The following SRPK1 variants were observed in gnomAD, a reference collection of about 807,000 sequenced individuals.
SRPK1 encodes SRSF protein kinase 1.
In SRPK1, 52 loss-of-function variants were observed where a neutral mutation model predicts 89.5. The ratio of observed to expected loss-of-function variants is 0.58; its 90% confidence interval spans 0.46 to 0.73. The LOEUF (loss-of-function observed/expected upper bound fraction) is 0.73. Among genes scored for constraint, SRPK1 ranks in the 30% least tolerant of loss-of-function variants. The pLI, the probability that SRPK1 is intolerant of heterozygous loss-of-function variation, is 0.00. For missense variants in SRPK1, 603 were observed against 780.6 expected (o/e 0.77, Z 2.71); for synonymous variants, 255 against 270.2 (o/e 0.94, Z 0.55).
intron 2 of SRPK1, among the ~76,000 whole-genome samples, chr6:35,910,001 A>C (rs1770928260): frequency 6.7e-6 from 1 of 149,888 alleles, no homozygotes; most frequent in Admixed American, 6.6e-5. Context: ...TTTTTTTTTT[A>C]AGATGGAGTT....
chr6:35,907,117 A>G (rs1770864366), intron 2 of SRPK1, among the ~76,000 whole-genome samples: 1 of 152,210 alleles, frequency 6.6e-6, no homozygotes, highest in Admixed American at 6.5e-5. Flanking sequence ...ATGTTTCCTG[A>G]TGAAAGTTTA....
intron 6 of SRPK1, among the ~76,000 whole-genome samples, chr6:35,876,675 A>C (rs1463174475): frequency 1.3e-5 from 2 of 152,136 alleles, no homozygotes; most frequent in African/African-American, 4.8e-5. Context: ...AGCACCTATC[A>C]AGTTTTCTGC....
intron 11 of SRPK1, 103 bp downstream of exon 11, chr6:35,869,379 G>T: frequency 1.5e-6 from 2 of 1,374,816 alleles, no homozygotes; most frequent in South Asian, 1.3e-5. Context: ...AGACACACCT[G>T]TTGTAAAGCT....
At chr6:35,877,771 A>G (rs1454074736) in intron 6 of SRPK1, among the ~76,000 whole-genome samples, 1 of 151,548 alleles carries the variant, frequency 6.6e-6, no homozygotes, top group African/African-American at 2.4e-5. Context: ...TGAACCCAGG[A>G]GGCGGAGGTT....
At chr6:35,871,806 A>C (rs1286582247) in intron 8 of SRPK1, among the ~76,000 whole-genome samples, 1 of 152,216 alleles carries the variant, frequency 6.6e-6, no homozygotes, top group Non-Finnish European at 1.5e-5. Flanking sequence ...CAGTGGTACT[A>C]TCACAACTCG....
At chr6:35,840,152 G>A (rs1283196047) in intron 14 of SRPK1, among the ~76,000 whole-genome samples, 10 of 152,158 alleles carry the variant, frequency 6.6e-5, no homozygotes, top group South Asian at 6.2e-4. Context: ...TACTTTTATC[G>A]TGTAGTTACA....
intron 6 of SRPK1, among the ~76,000 whole-genome samples, chr6:35,884,885 A>T (rs534560898): frequency 1.8e-4 from 28 of 152,268 alleles, no homozygotes; most frequent in African/African-American, 6.5e-4. Context: ...CTGTAATCCC[A>T]GCTACTCGGG....
intron 6 of SRPK1, among the ~76,000 whole-genome samples, chr6:35,874,597 G>A (rs1770114105): frequency 6.6e-6 from 1 of 152,032 alleles, no homozygotes; most frequent in African/African-American, 2.4e-5. Context: ...AATACTCAAT[G>A]GTAAAAGAAA....
Position 35,879,847 on chromosome 6 carries a change from G to A in SRPK1, c.479-5508C>T, listed in dbSNP as rs1770234953. ...ATCACTTTCAGAAGCCAAGGCAGGA[G>A]GACTGCTTGAACCCAGGAGTTCAAG... On this transcript the variant is annotated intron_variant, in intron 6 of 15. Transcript: ENST00000373825. 2.6e-5 allele frequency among the ~76,000 whole-genome samples: 4 copies of A among 151,996 alleles called. No homozygotes were observed. The South Asian group carries it at 8.3e-4, about 32-fold the overall frequency.
In SRPK1 at chr6:35,890,947, C is replaced by A. The variant is rs1770505493; in HGVS notation, c.141G>T (p.Glu47Asp). Reference sequence around the variant, plus strand: ...GCTCATCATCATCAGATCCCAGAATCTCCTCTTCCTGCTCTGGTAGATCAC... The same window carrying A: ...GCTCATCATCATCAGATCCCAGAATATCCTCTTCCTGCTCTGGTAGATCAC... ...SESDLPEQEE[E>D]ILGSDDDEQE... Residue 47 changes from glutamate (E) to aspartate (D), a missense_variant, in exon 3 of 16, where the codon GAG becomes GAT. Transcript: ENST00000373825. 1 of 1,554,600 alleles carries A rather than the reference C, an allele frequency of 6.4e-7. No individual in the cohort carries two copies. The highest frequency in any genetic ancestry group is 8.7e-7 in the Non-Finnish European group (1 of 1,148,004).
At chr6:35,904,313 A>G (rs1045687343) in intron 2 of SRPK1, among the ~76,000 whole-genome samples, 2 of 152,044 alleles carry the variant, frequency 1.3e-5, no homozygotes, top group Admixed American at 6.6e-5. Flanking sequence ...TCCAAAGCTA[A>G]TCCTCCACTA....
chr6:35,852,885 C>G (rs1769584138), intron 13 of SRPK1, among the ~76,000 whole-genome samples: 1 of 152,124 alleles, frequency 6.6e-6, no homozygotes, highest in South Asian at 2.1e-4. Context: ...TCCACATGCT[C>G]AGATTCAACT....
At chr6:35,878,978 C>A (rs1770217734) in intron 6 of SRPK1, among the ~76,000 whole-genome samples, 1 of 152,036 alleles carries the variant, frequency 6.6e-6, no homozygotes, top group African/African-American at 2.4e-5. Context: ...GTAATCCCAG[C>A]TACATGGGAG....
At chr6:35,865,232 C>A (rs1769867744) in intron 12 of SRPK1, among the ~76,000 whole-genome samples, 1 of 152,050 alleles carries the variant, frequency 6.6e-6, no homozygotes, top group Admixed American at 6.5e-5. Context: ...GGGATGGATA[C>A]CCTATTTTAC....
At chr6:35,844,014 T>C (rs1769375020) in intron 13 of SRPK1, among the ~76,000 whole-genome samples, 1 of 151,136 alleles carries the variant, frequency 6.6e-6, no homozygotes, top group Non-Finnish European at 1.5e-5. Flanking sequence ...AGTTTTTTTT[T>C]TTTTTTTTTG....
Position 35,833,956 on chromosome 6 carries a change from ATTAC to A in SRPK1, c.*1344_*1347del, listed in dbSNP as rs149057999. On this transcript the variant is annotated 3_prime_UTR_variant, in exon 16 of 16. Coordinates refer to ENST00000373825, the MANE Select transcript of SRPK1 (RefSeq NM_003137.5). Reference sequence around the variant, plus strand: ...TCCTGCCTCTCTTTTGCTCTTCAGTATTACTTACTGGAGGAATATGTAATATTCT... The same window carrying A: ...TCCTGCCTCTCTTTTGCTCTTCAGTATTACTGGAGGAATATGTAATATTCT... 0.37 allele frequency: 56,319 copies of A among 151,934 alleles called. 10,632 individuals carry two copies. The highest frequency in any genetic ancestry group is 0.5 in the South Asian group (2,387 of 4,798). 9.4% of individuals were successfully genotyped at this position (151,934 alleles called of 1,614,324 possible). A position where few individuals can be genotyped will look rare whatever the true frequency, so the allele number is the denominator to read the frequency against.
At chr6:35,838,247 A>AT (rs1247170954) in intron 15 of SRPK1, 90 bp downstream of exon 15, 6 of 880,962 alleles carry the variant, frequency 6.8e-6, no homozygotes, top group Non-Finnish European at 9.9e-6. Context: ...AGGCAGGCCC[A>AT]TCATTCTGTA....
At chr6:35,897,617 T>G (rs914266471) in intron 2 of SRPK1, among the ~76,000 whole-genome samples, 2 of 152,184 alleles carry the variant, frequency 1.3e-5, no homozygotes, top group Non-Finnish European at 2.9e-5. Flanking sequence ...TCAGTTCAAG[T>G]GATCCTCCCA....
chr6:35,842,930 T>C (rs1769343600), intron 13 of SRPK1, among the ~76,000 whole-genome samples: 1 of 151,804 alleles, frequency 6.6e-6, no homozygotes, highest in African/African-American at 2.4e-5. Flanking sequence ...TACCTGGATA[T>C]TAAGGTGATT....
Sources: allele counts gnomAD v4.1 joint callset (sites outside exome capture counted in the v4.1 genomes callset), GRCh38; gene constraint gnomAD v4.1.1; transcripts MANE v1.5; gene names NCBI Gene and HGNC (gene_info 2026-07-23, HGNC 2026-07-21).